ORC5: variants seen among roughly 807,000 people sequenced by gnomAD.
ORC5 encodes the protein origin recognition complex subunit 5.
ORC5 carries 39 observed loss-of-function variants against 58.8 expected under a neutral mutation model. The ratio of observed to expected loss-of-function variants is 0.66; its 90% confidence interval spans 0.51 to 0.87. The LOEUF (loss-of-function observed/expected upper bound fraction) is 0.87. Among genes scored for constraint, ORC5 ranks in the 40% least tolerant of loss-of-function variants. The pLI, the probability that ORC5 is intolerant of heterozygous loss-of-function variation, is 0.00. For synonymous variants in ORC5, 218 were observed against 177.6 expected, an observed-to-expected ratio of 1.23 and a Z score of -1.81; for missense variants, 493 against 506.3, an observed-to-expected ratio of 0.97 and a Z score of 0.25.
chr7:104,165,514 C>T (rs1470066387), intron 10 of ORC5: 1 of 343,188 alleles, frequency 2.9e-6, no homozygotes, highest in Non-Finnish European at 5.2e-6. Context: ...AAAAGAATTT[C>T]TAAAATAAAA....
chr7:104,184,530 A>G (rs1799503067), intron 6 of ORC5: 1 of 190,234 alleles, frequency 5.3e-6, no homozygotes, highest in South Asian at 1.4e-4. Context: ...TAATGACAGC[A>G]CAACATAAAA....
chr7:104,182,455 A>G (rs1204157921), intron 8 of ORC5, among the ~76,000 whole-genome samples: 2 of 152,142 alleles, frequency 1.3e-5, no homozygotes, highest in Non-Finnish European at 1.5e-5. Flanking sequence ...AACCTGACCT[A>G]AAAGATTCTT....
Position 104,197,777 on chromosome 7 carries a change from AG to A in ORC5, c.388del (p.Leu130Ter). ...VYIVLDKAEY[L>X]RDMEANLLPG... ...CAAAAGATTTGCTTCCATATCTCTT[AG>A]ATACTCTGCTTTATCTAGAACCTTT... is the stretch of plus-strand genomic sequence containing the variant. On this transcript the variant is annotated frameshift_variant, in exon 4 of 14. Transcript: ENST00000297431. LOFTEE classifies it high-confidence loss of function. 1 of 1,593,196 alleles carries A rather than the reference AG, an allele frequency of 6.3e-7. No homozygotes were observed. Among genetic ancestry groups the A allele is most frequent in the Non-Finnish European group, 8.5e-7 (1 of 1,170,564 alleles).
rs1287449006 is a variant in ORC5 at position 104,136,220 on chromosome 7, G to A, written c.1262+561C>T. On this transcript the variant is annotated intron_variant, in intron 13 of 13. Coordinates refer to ENST00000297431, the MANE Select transcript of ORC5 (RefSeq NM_002553.4). This position sits in a 1 kb window ranked among gnomAD's most constrained non-coding sequence, Gnocchi z 4.2. ...CTTTTCTCTCACACTCTGTCCTTCAGTCAGGGATGTGACACAATTCCTCAT... is the reference window on the plus strand; with the variant it reads ...CTTTTCTCTCACACTCTGTCCTTCAATCAGGGATGTGACACAATTCCTCAT... Among the ~76,000 whole-genome samples, 2 of 151,968 alleles carry A rather than the reference G, an allele frequency of 1.3e-5. No individual in the cohort carries two copies. The highest frequency in any genetic ancestry group is 4.8e-5 in the African/African-American group (2 of 41,370).
intron 9 of ORC5, 43 bp from the exon 10 acceptor site, chr7:104,166,927 A>G: frequency 1.8e-6 from 2 of 1,137,216 alleles, no homozygotes; most frequent in South Asian, 1.3e-5. Context: ...TTAGGCTAAC[A>G]TTGGGTTTTA....
intron 11 of ORC5, among the ~76,000 whole-genome samples, chr7:104,164,617 A>G (rs2115863963): frequency 6.6e-6 from 1 of 152,312 alleles, no homozygotes; most frequent in Non-Finnish European, 1.5e-5. Context: ...CCATCTTCTG[A>G]CAAGAAAAGC....
chr7:104,155,556 T>C (rs533573596), intron 12 of ORC5, among the ~76,000 whole-genome samples: 1 of 151,404 alleles, frequency 6.6e-6, no homozygotes, highest in Admixed American at 6.6e-5. Context: ...GTAAACTACT[T>C]TCAAAAATTA....
intron 12 of ORC5, among the ~76,000 whole-genome samples, chr7:104,145,196 TAC>T (rs569008750): frequency 1.4e-4 from 21 of 152,274 alleles, no homozygotes; most frequent in African/African-American, 5.1e-4. Context: ...AATGGGAAGA[TAC>T]ACAGAAAAGA....
chr7:104,126,828 T>C lies in ORC5; in HGVS notation c.*20A>G. On this transcript the variant is annotated 3_prime_UTR_variant, in exon 14 of 14. Transcript: ENST00000297431. Reference sequence around the variant, plus strand: ...GGCTTAGTCATTGTCACAGTGTCCATATGGCTTTGAAGCTTGTTTTCACAA... The same window carrying C: ...GGCTTAGTCATTGTCACAGTGTCCACATGGCTTTGAAGCTTGTTTTCACAA... 6.3e-7 allele frequency: 1 copy of C among 1,590,046 alleles called. No individual in the cohort carries two copies. The highest frequency in any genetic ancestry group is 8.6e-7 in the Non-Finnish European group (1 of 1,160,838).
Position 104,202,265 on chromosome 7 carries a change from T to C in ORC5, c.166-1307A>G, listed in dbSNP as rs145626620. 5.9e-3 allele frequency: 1,169 copies of C among 197,980 alleles called. 10 individuals carry two copies. The highest frequency in any genetic ancestry group is 0.026 in the African/African-American group (1,104 of 42,674). The allele number at this position is 197,980 out of a possible 1,614,324, so 12.3% of individuals were successfully genotyped here. A position where few individuals can be genotyped will look rare whatever the true frequency, so the allele number is the denominator to read the frequency against. On this transcript the variant is annotated intron_variant, in intron 2 of 13. Coordinates refer to ENST00000297431, the MANE Select transcript of ORC5 (RefSeq NM_002553.4). ...TCTGAGGAAGATAACTTGTGGCACTTGGCACAAATAATGGAACTGGTAACT... is the reference window on the plus strand; with the variant it reads ...TCTGAGGAAGATAACTTGTGGCACTCGGCACAAATAATGGAACTGGTAACT...
intron 12 of ORC5, among the ~76,000 whole-genome samples, chr7:104,160,165 T>C (rs3808010): frequency 0.38 from 58,147 of 152,004 alleles, 13,249 homozygotes; most frequent in Non-Finnish European, 0.52. Flanking sequence ...ATAAAAACTA[T>C]CTAAATTCAA....
At chr7:104,173,228 A>G (rs1305398596) in intron 8 of ORC5, among the ~76,000 whole-genome samples, 3 of 152,140 alleles carry the variant, frequency 2.0e-5, no homozygotes, top group Admixed American at 6.5e-5. Context: ...AACTGGTACC[A>G]CCTTTGTTGT....
At chr7:104,135,215 T>A (rs1798571292) in intron 13 of ORC5, among the ~76,000 whole-genome samples, 1 of 152,202 alleles carries the variant, frequency 6.6e-6, no homozygotes. Flanking sequence ...CAGGCTTCAC[T>A]CCAAATTTAT....
At position 104,155,062 on chromosome 7, in the gene ORC5, C is replaced by T. The variant is rs571381860; in HGVS notation, c.1149+6010G>A. The stretch of plus-strand genomic sequence containing the variant: ...AAACAATTGGTTTGGATATATCCTA[C>T]ATATCTTATAAAACAACACCTAAAT... On this transcript the variant is annotated intron_variant, in intron 12 of 13. Coordinates refer to ENST00000297431, the MANE Select transcript of ORC5 (RefSeq NM_002553.4). Among the ~76,000 whole-genome samples, 8 of 151,892 alleles carry T rather than the reference C, an allele frequency of 5.3e-5. No homozygotes were observed. In the South Asian group the frequency reaches 1.0e-3, roughly 20 times the overall value.
At position 104,136,596 on chromosome 7, in the gene ORC5, G is replaced by T. The variant is rs1234756421; in HGVS notation, c.1262+185C>A. ...TTGATTTTTGTCCTCTAACATATTA[G>T]CTATTTCTCCCAGTTTTACATCATT... On this transcript the variant is annotated intron_variant, in intron 13 of 13. Coordinates refer to ENST00000297431, the MANE Select transcript of ORC5 (RefSeq NM_002553.4). This position sits in a 1 kb window ranked among gnomAD's most constrained non-coding sequence, Gnocchi z 4.2. Among the ~76,000 whole-genome samples the T allele has an allele frequency of 6.6e-6, 1 of 152,050 alleles. No individual in the cohort carries two copies. The highest frequency in any genetic ancestry group is 2.4e-5 in the African/African-American group (1 of 41,394).
chr7:104,188,103 T>C (rs1799588589), intron 6 of ORC5, 148 bp downstream of exon 6: 2 of 943,220 alleles, frequency 2.1e-6, no homozygotes, highest in Non-Finnish European at 2.9e-6. Flanking sequence ...AGAGGCCATA[T>C]GCAAATTCCC....
At chr7:104,176,530 G>A (rs572272266) in intron 8 of ORC5, among the ~76,000 whole-genome samples, 155 of 150,680 alleles carry the variant, frequency 1.0e-3, no homozygotes, top group South Asian at 7.1e-3. Flanking sequence ...TCAGTCTTAC[G>A]ATCTCTCTGC....
intron 12 of ORC5, among the ~76,000 whole-genome samples, chr7:104,151,364 G>C (rs755027703): frequency 1.3e-5 from 2 of 152,142 alleles, no homozygotes; most frequent in Non-Finnish European, 2.9e-5. Context: ...TTAAGGTAAT[G>C]TCAGTGAGGG....
chr7:104,149,820 A>G (rs565777545), intron 12 of ORC5, among the ~76,000 whole-genome samples: 1 of 152,338 alleles, frequency 6.6e-6, no homozygotes, highest in East Asian at 1.9e-4. Context: ...CACAGTATAT[A>G]TTCCTTTTCC....
Sources: allele counts gnomAD v4.1 joint callset (sites outside exome capture counted in the v4.1 genomes callset), GRCh38; gene constraint gnomAD v4.1.1; non-coding constraint Gnocchi (gnomAD v3.1); transcripts MANE v1.5; gene names NCBI Gene and HGNC (gene_info 2026-07-23, HGNC 2026-07-21).